NCKAP5: variants seen among roughly 807,000 people sequenced by gnomAD.
The protein encoded by NCKAP5 is nck-associated protein 5.
NCKAP5 carries 92 observed loss-of-function variants against 167.0 expected under a neutral mutation model. That is an observed-to-expected ratio of 0.55 (90% CI 0.47 to 0.66). The LOEUF (loss-of-function observed/expected upper bound fraction) is 0.66. Ranked by LOEUF, NCKAP5 falls within the 30% of genes least tolerant of loss-of-function variation. NCKAP5 has a pLI of 0.00. For synonymous variants in NCKAP5, 891 were observed against 877.4 expected (o/e 1.02, Z -0.27); for missense variants, 2,378 against 2,315.0 (o/e 1.03, Z -0.56).
chr2:133,427,712 C>T (rs1435465406), intron 3 of NCKAP5, among the ~76,000 whole-genome samples: 4 of 151,934 alleles, frequency 2.6e-5, no homozygotes, highest in Middle Eastern at 3.4e-3. Flanking sequence ...ATGATATGAC[C>T]GAGCACAGTT....
chr2:133,660,955 CAA>C, the NCKAP5 span, among the ~76,000 whole-genome samples: 107 of 124,768 alleles, frequency 8.6e-4, no homozygotes, highest in East Asian at 7.6e-3. Context: ...TACAGGCTTG[CAA>C]AAAAAAAAAA....
At chr2:132,696,797 G>A (rs549634462) in intron 19 of NCKAP5, among the ~76,000 whole-genome samples, 1 of 152,316 alleles carries the variant, frequency 6.6e-6, no homozygotes, top group South Asian at 2.1e-4. Context: ...CCATCCATAA[G>A]TGAGGACACA....
chr2:133,400,778 C>T (rs183328071), intron 3 of NCKAP5, among the ~76,000 whole-genome samples: 1 of 152,286 alleles, frequency 6.6e-6, no homozygotes, highest in Non-Finnish European at 1.5e-5. Flanking sequence ...ATTTGCATTT[C>T]ATTAAGTTTG....
At chr2:133,641,612 C>T in the NCKAP5 span, among the ~76,000 whole-genome samples, 4 of 152,346 alleles carry the variant, frequency 2.6e-5, no homozygotes, top group Admixed American at 6.5e-5. Context: ...AAGGCAAGCA[C>T]GTGGACACAG....
At chr2:133,183,010 T>C (rs1207479871) in intron 5 of NCKAP5, among the ~76,000 whole-genome samples, 2 of 152,176 alleles carry the variant, frequency 1.3e-5, no homozygotes, top group Admixed American at 1.3e-4. Context: ...ACAACTTTGA[T>C]GAAATGGGTC....
In NCKAP5 at chr2:133,303,046, C is replaced by A; in HGVS notation, c.134G>T (p.Ser45Ile). 6.2e-7 allele frequency: 1 copy of A among 1,600,410 alleles called. No individual in the cohort carries two copies. The highest frequency in any genetic ancestry group is 8.5e-7 in the Non-Finnish European group (1 of 1,172,818). ...CATGAATTGAACTCACCTCCAGAGA[C>A]TCCTGTGTTGCTCCTCAAGCTGAGT... ...LLTQLEEQHR[S>I]LWREKLAVAR... Residue 45 changes from serine (S) to isoleucine (I), a missense_variant, in exon 4 of 20, where the codon AGT becomes ATT. This residue lies in a region of NCKAP5 where 1,049 missense variants were observed against 1,023.4 expected (regional missense o/e 1.02). Coordinates refer to ENST00000409261, the MANE Select transcript of NCKAP5 (RefSeq NM_207363.3).
intron 4 of NCKAP5, among the ~76,000 whole-genome samples, chr2:133,281,086 G>A (rs2089918445): frequency 6.6e-6 from 1 of 152,184 alleles, no homozygotes; most frequent in South Asian, 2.1e-4. Flanking sequence ...TTGTTCTACA[G>A]CACATACATT....
intron 11 of NCKAP5, among the ~76,000 whole-genome samples, chr2:132,853,531 C>T (rs1271049212): frequency 6.6e-6 from 1 of 152,102 alleles, no homozygotes; most frequent in Non-Finnish European, 1.5e-5. Flanking sequence ...CTCTTGAAAG[C>T]AATTAATACC....
chr2:133,393,467 TA>T (rs1687548897), intron 3 of NCKAP5, among the ~76,000 whole-genome samples: 1 of 152,198 alleles, frequency 6.6e-6, no homozygotes, highest in Non-Finnish European at 1.5e-5. Flanking sequence ...CAACAGTTAA[TA>T]AAAAATTCTT....
intron 4 of NCKAP5, among the ~76,000 whole-genome samples, chr2:133,251,373 CA>C (rs1230947120): frequency 6.6e-6 from 1 of 151,452 alleles, no homozygotes; most frequent in Admixed American, 6.6e-5. Flanking sequence ...AGAAAACAGA[CA>C]AATTTTTTTT....
intron 4 of NCKAP5, 92 bp downstream of exon 4, chr2:133,302,945 T>C (rs1023713046): frequency 5.7e-6 from 5 of 881,572 alleles, no homozygotes; most frequent in Non-Finnish European, 9.2e-6. Flanking sequence ...GGACTTAGTA[T>C]ATATTCTGTA....
At chr2:133,629,210 A>G in the NCKAP5 span, among the ~76,000 whole-genome samples, 5 of 152,226 alleles carry the variant, frequency 3.3e-5, no homozygotes, top group Admixed American at 3.3e-4. Context: ...AACTTACACA[A>G]TGGGAGAAAA....
intron 12 of NCKAP5, among the ~76,000 whole-genome samples, chr2:132,795,168 A>G (rs1684479345): frequency 6.6e-6 from 1 of 152,200 alleles, no homozygotes; most frequent in South Asian, 2.1e-4. Flanking sequence ...TGCCCTATCA[A>G]TATAACATTC....
chr2:133,015,734 G>A (rs546781380), intron 6 of NCKAP5, among the ~76,000 whole-genome samples: 1 of 152,232 alleles, frequency 6.6e-6, no homozygotes, highest in South Asian at 2.1e-4. Flanking sequence ...TACTCAAAAG[G>A]AACTTACTAC....
intron 2 of NCKAP5, among the ~76,000 whole-genome samples, chr2:133,545,042 G>A (rs1686540116): frequency 6.6e-6 from 1 of 152,136 alleles, no homozygotes; most frequent in South Asian, 2.1e-4. Flanking sequence ...CAGGCAGGAA[G>A]ACAGAACTCC....
chr2:133,465,456 C>A (rs1384994052), intron 3 of NCKAP5, among the ~76,000 whole-genome samples: 1 of 151,898 alleles, frequency 6.6e-6, no homozygotes, highest in African/African-American at 2.4e-5. Context: ...GTGAATAATG[C>A]CGCAATAAAC....
At chr2:132,952,161 C>A (rs1031420077) in intron 8 of NCKAP5, among the ~76,000 whole-genome samples, 3 of 152,172 alleles carry the variant, frequency 2.0e-5, no homozygotes, top group Non-Finnish European at 1.5e-5. Context: ...TAAACCAACA[C>A]ACAATTAACA....
chr2:133,030,911 ATC>A (rs144316426), intron 6 of NCKAP5, among the ~76,000 whole-genome samples: 4 of 151,176 alleles, frequency 2.6e-5, no homozygotes, highest in Non-Finnish European at 1.5e-5. Context: ...TTGTGGCTGC[ATC>A]TCTCTCTCTC....
chr2:133,444,403 G>GATAGAT lies in NCKAP5; in HGVS notation c.69+73049_69+73054dup, dbSNP rs1553641903. ...AGATAGATAGATAGATAGATAGATA[G>GATAGAT]ATAGATATAGATATAGATGTAGATA... On this transcript the variant is annotated intron_variant, in intron 3 of 19. Transcript: ENST00000409261. Among the ~76,000 whole-genome samples the GATAGAT allele has an allele frequency of 2.0e-3, 215 of 105,346 alleles. 2 individuals carry two copies. The highest frequency in any genetic ancestry group is 7.7e-3 in the African/African-American group (196 of 25,362). 69.1% of individuals were successfully genotyped at this position (105,346 alleles called of 152,430 possible). A position where few individuals can be genotyped will look rare whatever the true frequency, so the allele number is the denominator to read the frequency against.
Sources: gnomAD v4.1 joint callset for allele counts (sites outside exome capture counted in the v4.1 genomes callset) on GRCh38, gnomAD v4.1.1 for gene constraint, gnomAD v4.1.1 regional missense constraint, MANE v1.5 for transcripts, NCBI Gene and HGNC (gene_info 2026-07-23, HGNC 2026-07-21) for gene names.